The following SFXN5 variants were observed in gnomAD, a reference collection of about 807,000 sequenced individuals.
The protein encoded by SFXN5 is sideroflexin 5.
Under a neutral mutation model 50.2 loss-of-function variants are expected in SFXN5, and 43 were observed. The ratio of observed to expected loss-of-function variants is 0.86; its 90% CI spans 0.67 to 1.11. The LOEUF is 1.11. SFXN5 is among the 50% of genes least tolerant of loss of function. The pLI is 0.00. For synonymous variants in SFXN5, 203 were observed against 185.8 expected (o/e 1.09, Z -0.75); for missense variants, 463 against 454.1 (o/e 1.02, Z -0.18).
At chr2:72,993,494 A>G (rs1350252380) in intron 9 of SFXN5, among the ~76,000 whole-genome samples, 1 of 152,208 alleles carries the variant, frequency 6.6e-6, no homozygotes, top group Non-Finnish European at 1.5e-5. Context: ...ACCATGCCCC[A>G]CAAGGGCCAG....
rs1457431050 is a variant in SFXN5 at position 72,960,589 on chromosome 2, C to A, written c.945+542G>T. On this transcript the variant is annotated intron_variant, in intron 13 of 13. Transcript: ENST00000272433. The surrounding 1 kb of genome is among the most constrained non-coding windows in gnomAD (Gnocchi z 6.1). Reference sequence around the variant, plus strand: ...TCAGGCATCTGTGGTCTGCCCTGCACAGCCCTTAGGAGGACATTCACCCTC... The same window carrying A: ...TCAGGCATCTGTGGTCTGCCCTGCAAAGCCCTTAGGAGGACATTCACCCTC... 6.6e-6 allele frequency among the ~76,000 whole-genome samples: 1 copy of A among 152,150 alleles called. No homozygotes were observed. The highest frequency in any genetic ancestry group is 2.1e-4 in the South Asian group (1 of 4,824).
intron 3 of SFXN5, among the ~76,000 whole-genome samples, chr2:73,033,985 G>A (rs1424675887): frequency 6.6e-6 from 1 of 152,156 alleles, no homozygotes; most frequent in African/African-American, 2.4e-5. Context: ...AATGCCAATC[G>A]TGCCAAGTCT....
chr2:72,977,035 G>A (rs140406395), intron 10 of SFXN5, among the ~76,000 whole-genome samples: 9 of 152,320 alleles, frequency 5.9e-5, no homozygotes, highest in East Asian at 1.9e-4. Context: ...CATGTGACCC[G>A]ATTCCAGACA....
chr2:73,047,237 AAAAAAAAAATATATATAT>A (rs1447333326), intron 2 of SFXN5, among the ~76,000 whole-genome samples: 151 of 28,388 alleles, frequency 5.3e-3, no homozygotes, highest in African/African-American at 0.013. Context: ...AAAAAAAAAA[AAAAAAAAAATATATATAT>A]ATATATATAT....
chr2:72,993,859 G>C (rs916574138), intron 9 of SFXN5, among the ~76,000 whole-genome samples: 12 of 152,140 alleles, frequency 7.9e-5, no homozygotes, highest in Non-Finnish European at 1.5e-4. Flanking sequence ...TCTGGGCCAG[G>C]GACAAATATA....
intron 2 of SFXN5, among the ~76,000 whole-genome samples, chr2:73,057,848 C>T (rs1256136471): frequency 6.6e-6 from 1 of 152,196 alleles, no homozygotes; most frequent in Non-Finnish European, 1.5e-5. Flanking sequence ...CTCTCTCCTG[C>T]CACCTTGTGA....
chr2:72,945,615 C>T lies in SFXN5; in HGVS notation c.946-516G>A, dbSNP rs1028647971. 1.3e-5 allele frequency among the ~76,000 whole-genome samples: 2 copies of T among 152,158 alleles called. No homozygotes were observed. The highest frequency in any genetic ancestry group is 1.3e-4 in the Admixed American group (2 of 15,284). ...GCGCCCACACTCCACACTCCGACCA[C>T]TCAGTCTTTACATCTTCCCCTGCAG... On this transcript the variant is annotated intron_variant, in intron 13 of 13. Coordinates refer to ENST00000272433, the MANE Select transcript of SFXN5 (RefSeq NM_144579.3). This position sits in a 1 kb window ranked among gnomAD's most constrained non-coding sequence, Gnocchi z 5.8.
intron 2 of SFXN5, among the ~76,000 whole-genome samples, chr2:73,053,856 C>A (rs537644223): frequency 1.3e-5 from 2 of 152,140 alleles, no homozygotes; most frequent in African/African-American, 4.8e-5. Flanking sequence ...TCCAGCTAAG[C>A]AGCAACCACC....
Position 72,945,035 on chromosome 2 carries a change from T to C in SFXN5, c.1010A>G (p.Asn337Ser). ...CGCTGACCACACTCACAACCCCTTG[T>C]TGTACACCACTGTCCGGCTGCTCGT... The part of the protein sequence containing the change: ...QATSSRTVVY[N>S]KGL Residue 337 changes from asparagine (N) to serine (S), a missense_variant, in exon 14 of 14, where the codon AAC (asparagine) becomes AGC (serine). Transcript: ENST00000272433. This position sits in a 1 kb window ranked among gnomAD's most constrained non-coding sequence, Gnocchi z 5.8. 1 of 1,613,894 alleles carries C rather than the reference T, an allele frequency of 6.2e-7. No individual in the cohort carries two copies. The highest frequency in any genetic ancestry group is 8.5e-7 in the Non-Finnish European group (1 of 1,179,868).
chr2:72,988,207 G>T (rs368777697), intron 10 of SFXN5, 51 bp downstream of exon 10: 16 of 1,544,966 alleles, frequency 1.0e-5, no homozygotes, highest in Non-Finnish European at 1.4e-5. Context: ...GGAGCCCAGC[G>T]GTCCCCCACA....
intron 12 of SFXN5, among the ~76,000 whole-genome samples, chr2:72,965,962 G>T (rs572793857): frequency 5.3e-4 from 80 of 152,258 alleles, no homozygotes; most frequent in African/African-American, 1.9e-3. Flanking sequence ...AGATAAGGAG[G>T]GCCTGTCTGA....
At chr2:73,070,494 T>C (rs1407094271) in intron 1 of SFXN5, 1 of 152,368 alleles carries the variant, frequency 6.6e-6, no homozygotes, top group Non-Finnish European at 1.5e-5. Flanking sequence ...TCAAAGTTCT[T>C]TTCTGGCCGC....
chr2:73,061,464 A>G (rs1460035558), intron 1 of SFXN5, among the ~76,000 whole-genome samples: 3 of 152,222 alleles, frequency 2.0e-5, no homozygotes, highest in Non-Finnish European at 4.4e-5. Context: ...CAGATTGAAG[A>G]TGTCCTAATG....
At chr2:73,035,798 C>T (rs79752669) in intron 3 of SFXN5, among the ~76,000 whole-genome samples, 4,796 of 152,228 alleles carry the variant, frequency 0.032, 237 homozygotes, top group African/African-American at 0.11. Context: ...CCACGCTTGG[C>T]TGGTATAGCA....
rs1472714551 is a variant in SFXN5 at position 73,001,528 on chromosome 2, C to T, written c.408G>A (p.Trp136Ter). 1 of 1,613,998 alleles carries T rather than the reference C, an allele frequency of 6.2e-7. No homozygotes were observed. The highest frequency in any genetic ancestry group is 2.2e-5 in the East Asian group (1 of 44,894). Residue 136 changes from tryptophan to a stop codon, truncating the protein, a stop_gained, in exon 7 of 14, where the codon TGG becomes TGA. Transcript: ENST00000272433. LOFTEE classifies it high-confidence loss of function. ...PNQTLASTVF[W>*]QWLNQSHNAC... is the part of the protein sequence containing the mutation. The stretch of plus-strand genomic sequence containing the variant: ...CTGTTTGCTGCGAGACTGTTACCTG[C>T]CAGAAGACAGTGGATGCCAGTGTCT...
chr2:72,979,537 G>A (rs996811930), intron 10 of SFXN5, among the ~76,000 whole-genome samples: 5 of 152,194 alleles, frequency 3.3e-5, no homozygotes, highest in Non-Finnish European at 5.9e-5. Context: ...GGGAGGCCAA[G>A]ACAGAAGAAT....
chr2:72,978,958 G>A (rs1222174657), intron 10 of SFXN5, among the ~76,000 whole-genome samples: 1 of 152,132 alleles, frequency 6.6e-6, no homozygotes, highest in African/African-American at 2.4e-5. Flanking sequence ...ATGAGAGACT[G>A]AAAACAACCT....
intron 6 of SFXN5, among the ~76,000 whole-genome samples, chr2:73,004,679 CG>C (rs1674385683): frequency 6.6e-6 from 1 of 151,868 alleles, no homozygotes; most frequent in African/African-American, 2.4e-5. Flanking sequence ...ACAGGAACAC[CG>C]AGCTGCATCG....
At chr2:72,947,974 A>T (rs1672150823) in intron 13 of SFXN5, among the ~76,000 whole-genome samples, 1 of 152,256 alleles carries the variant, frequency 6.6e-6, no homozygotes, top group Non-Finnish European at 1.5e-5. Context: ...TGTGCAAAAC[A>T]ATTTAGGTAT....
Sources: allele counts gnomAD v4.1 joint callset (sites outside exome capture counted in the v4.1 genomes callset), GRCh38; gene constraint gnomAD v4.1.1; non-coding constraint Gnocchi (gnomAD v3.1); transcripts MANE v1.5; gene names NCBI Gene and HGNC (gene_info 2026-07-23, HGNC 2026-07-21).